The following ERC2 variants were observed in gnomAD, a reference collection of about 807,000 sequenced individuals.
ERC2 encodes ERC protein 2.
Under a neutral mutation model 114.8 loss-of-function variants are expected in ERC2, and 42 were observed. That is an observed-to-expected ratio of 0.37 (90% CI 0.29 to 0.47). ERC2 has a LOEUF of 0.47. Among genes scored for constraint, ERC2 ranks in the 20% least tolerant of loss-of-function variants. The pLI is 0.99. For synonymous variants in ERC2, 454 were observed against 425.5 expected, an observed-to-expected ratio of 1.07 and a Z score of -0.82; for missense variants, 939 against 1,150.7, an observed-to-expected ratio of 0.82 and a Z score of 2.66.
intron 3 of ERC2, among the ~76,000 whole-genome samples, chr3:56,257,106 T>C (rs6781843): frequency 0.45 from 68,238 of 151,904 alleles, 15,602 homozygotes; most frequent in Middle Eastern, 0.48. Context: ...TGAGATAATG[T>C]ATGTAAAACC....
At chr3:56,040,491 G>T (rs1475807436) in intron 7 of ERC2, among the ~76,000 whole-genome samples, 1 of 144,746 alleles carries the variant, frequency 6.9e-6, no homozygotes, top group East Asian at 2.1e-4. Flanking sequence ...ATAAGCTACA[G>T]CACTCATCTC....
At chr3:55,707,699 C>CG (rs1335617825) in intron 15 of ERC2, among the ~76,000 whole-genome samples, 1 of 152,206 alleles carries the variant, frequency 6.6e-6, no homozygotes, top group Non-Finnish European at 1.5e-5. Context: ...GCTGTGTGAA[C>CG]AACACTGTGT....
intron 17 of ERC2, among the ~76,000 whole-genome samples, chr3:55,619,747 G>A (rs2059256357): frequency 1.3e-5 from 2 of 152,152 alleles, no homozygotes; most frequent in African/African-American, 4.8e-5. Flanking sequence ...TACCAACAAA[G>A]CTAAAAGTGT....
intron 6 of ERC2, among the ~76,000 whole-genome samples, chr3:56,132,615 C>T (rs1043926002): frequency 5.9e-5 from 9 of 152,024 alleles, no homozygotes; most frequent in African/African-American, 1.2e-4. Context: ...CCAGCCTGGG[C>T]GACAGAGCGA....
chr3:55,674,105 G>T (rs548205862), intron 17 of ERC2, among the ~76,000 whole-genome samples: 92 of 152,276 alleles, frequency 6.0e-4, no homozygotes, highest in African/African-American at 2.1e-3. Context: ...AGCCTGCCCT[G>T]ACCTCCCGAC....
In ERC2 at chr3:56,139,685, C is replaced by T. The variant is rs1156414569; in HGVS notation, c.1306-9G>A. The T allele has an allele frequency of 6.3e-7, 1 of 1,585,712 alleles. No homozygotes were observed. The highest frequency in any genetic ancestry group is 8.6e-7 in the Non-Finnish European group (1 of 1,164,568). ...TGCTTCAGCTGATCAATCTGCAAAA[C>T]AACAACAAAATTGCAAGAAATTAGA... On this transcript the variant is annotated splice_polypyrimidine_tract_variant and intron_variant, in intron 5 of 17. Coordinates refer to ENST00000288221, the MANE Select transcript of ERC2 (RefSeq NM_015576.3).
At chr3:56,331,876 G>A (rs1407786456) in intron 2 of ERC2, among the ~76,000 whole-genome samples, 1 of 152,120 alleles carries the variant, frequency 6.6e-6, no homozygotes, top group Non-Finnish European at 1.5e-5. Context: ...AAGCTAGGCA[G>A]ATGGATAAGA....
intron 15 of ERC2, among the ~76,000 whole-genome samples, chr3:55,702,404 T>C (rs940056226): frequency 2.0e-5 from 3 of 152,244 alleles, no homozygotes; most frequent in African/African-American, 4.8e-5. Context: ...AGACCGTTTT[T>C]ATTTATCTTG....
At chr3:56,212,552 C>T (rs545629637) in intron 3 of ERC2, among the ~76,000 whole-genome samples, 4 of 152,254 alleles carry the variant, frequency 2.6e-5, no homozygotes, top group South Asian at 2.1e-4. Flanking sequence ...GTGGAGATTC[C>T]TTAAAGAACT....
At chr3:55,598,585 C>T (rs1457172283) in intron 17 of ERC2, among the ~76,000 whole-genome samples, 5 of 152,212 alleles carry the variant, frequency 3.3e-5, no homozygotes, top group East Asian at 3.8e-4. Context: ...AAGCTTTGCT[C>T]GAGAAACTGG....
rs542809124 is a variant in ERC2, at chr3:56,400,046, A to T, written c.657+34305T>A. On this transcript the variant is annotated intron_variant, in intron 2 of 17. Transcript: ENST00000288221. ...TCAAAAAAAAAAAACTATAGCACTT[A>T]TGAGACAACTGGAAATTGAACACTG... Among the ~76,000 whole-genome samples, 3 of 152,260 alleles carry T rather than the reference A, an allele frequency of 2.0e-5. No homozygotes were observed. The South Asian group carries it at 6.2e-4, about 31-fold the overall frequency.
intron 4 of ERC2, among the ~76,000 whole-genome samples, chr3:56,162,026 T>C (rs2082075736): frequency 6.6e-6 from 1 of 152,194 alleles, no homozygotes. Flanking sequence ...GGGTTTGTCA[T>C]AGATGGCTCT....
intron 3 of ERC2, among the ~76,000 whole-genome samples, chr3:56,266,984 A>C (rs2053351131): frequency 6.6e-6 from 1 of 152,226 alleles, no homozygotes; most frequent in Non-Finnish European, 1.5e-5. Context: ...GTGTCTGTTG[A>C]CAGATAAATG....
intron 4 of ERC2, among the ~76,000 whole-genome samples, chr3:56,170,607 T>TTTG (rs1560299131): frequency 1.4e-5 from 2 of 144,612 alleles, no homozygotes; most frequent in African/African-American, 5.2e-5. Flanking sequence ...TTTTTTTTTT[T>TTTG]TTTTTTTGAG....
intron 7 of ERC2, among the ~76,000 whole-genome samples, chr3:56,033,066 A>AAGAAAG (rs1304739592): frequency 4.8e-5 from 6 of 125,292 alleles, no homozygotes; most frequent in African/African-American, 1.5e-4. Flanking sequence ...GAAAGAAAGA[A>AAGAAAG]AGAAAGAAAG....
At chr3:56,365,444 C>T (rs956654611) in intron 2 of ERC2, among the ~76,000 whole-genome samples, 11 of 152,298 alleles carry the variant, frequency 7.2e-5, no homozygotes, top group East Asian at 3.9e-4. Flanking sequence ...CACTCGACAA[C>T]GTTTGCACAA....
At position 55,875,321 on chromosome 3, in the gene ERC2, C is replaced by A. The variant is rs576188637; in HGVS notation, c.2564+13068G>T. 5.9e-5 allele frequency among the ~76,000 whole-genome samples: 9 copies of A among 152,316 alleles called. No homozygotes were observed. In the South Asian group the frequency reaches 1.9e-3, roughly 32 times the overall value. ...GGAATGACAGCAATTGAACTGTTAT[C>A]ATAACTGCATGCTGGCACTGGCTGC... On this transcript the variant is annotated intron_variant, in intron 14 of 17. Coordinates refer to ENST00000288221, the MANE Select transcript of ERC2 (RefSeq NM_015576.3).
At chr3:55,995,361 A>G (rs942630494) in intron 10 of ERC2, among the ~76,000 whole-genome samples, 1 of 151,966 alleles carries the variant, frequency 6.6e-6, no homozygotes, top group Non-Finnish European at 1.5e-5. Context: ...CAATCAATCA[A>G]ATGAATAGAC....
intron 1 of ERC2, among the ~76,000 whole-genome samples, chr3:56,444,105 G>T (rs1199363659): frequency 6.6e-6 from 1 of 151,076 alleles, no homozygotes; most frequent in Non-Finnish European, 1.5e-5. Flanking sequence ...TGGGACCAAG[G>T]CGCCCACCAC....
Sources: gnomAD v4.1 joint callset for allele counts (sites outside exome capture counted in the v4.1 genomes callset) on GRCh38, gnomAD v4.1.1 for gene constraint, MANE v1.5 for transcripts, NCBI Gene and HGNC (gene_info 2026-07-23, HGNC 2026-07-21) for gene names.